Variants in FOCAD observed in about 807,000 individuals in gnomAD.
FOCAD encodes KIAA1797.
In FOCAD, 198 loss-of-function variants were observed where a neutral mutation model predicts 225.6. The observed-to-expected ratio is 0.88, with a 90% CI of 0.78 to 0.99. The LOEUF (loss-of-function observed/expected upper bound fraction) is 0.99, where lower values mean the gene tolerates loss of function less well. Among genes scored for constraint, FOCAD ranks in the 50% least tolerant of loss-of-function variants. The pLI, the probability that FOCAD is intolerant of heterozygous loss-of-function variation, is 0.00. For missense variants in FOCAD, 2,713 were observed against 2,123.6 expected (o/e 1.28, Z -5.46); for synonymous variants, 897 against 755.0 (o/e 1.19, Z -3.08).
chr9:20,898,866 G>T (rs1832326687), intron 21 of FOCAD, among the ~76,000 whole-genome samples: 1 of 151,936 alleles, frequency 6.6e-6, no homozygotes, highest in Non-Finnish European at 1.5e-5. Context: ...TAAGGTGTTG[G>T]GGGAGTAGAG....
At chr9:20,780,454 C>G (rs897833639) in intron 9 of FOCAD, among the ~76,000 whole-genome samples, 1 of 152,094 alleles carries the variant, frequency 6.6e-6, no homozygotes, top group Non-Finnish European at 1.5e-5. Context: ...TTTTCTTTCT[C>G]TCGTAAACCA....
chr9:20,707,850 G>A lies in FOCAD; in HGVS notation c.-32-7472G>A, dbSNP rs549690374. Among the ~76,000 whole-genome samples, 5 of 152,284 alleles carry A rather than the reference G, an allele frequency of 3.3e-5. No individual in the cohort carries two copies. In the South Asian group the frequency reaches 1.0e-3, roughly 32 times the overall value. On this transcript the variant is annotated intron_variant, in intron 1 of 43. Transcript: ENST00000338382. Reference sequence around the variant, plus strand: ...TGTTGGTGGCAGTTGGATTTTTTAAGCCTTTGAAGCAAGAGCTGAGGCTAA... The same window carrying A: ...TGTTGGTGGCAGTTGGATTTTTTAAACCTTTGAAGCAAGAGCTGAGGCTAA...
intron 2 of FOCAD, among the ~76,000 whole-genome samples, chr9:20,675,849 T>G (rs1382613624): frequency 6.6e-6 from 1 of 152,228 alleles, no homozygotes; most frequent in Non-Finnish European, 1.5e-5. Flanking sequence ...TGGTTTTCCT[T>G]GGCTCTTGAT....
At chr9:20,859,352 A>G (rs1362745807) in intron 15 of FOCAD, among the ~76,000 whole-genome samples, 2 of 151,718 alleles carry the variant, frequency 1.3e-5, no homozygotes, top group Non-Finnish European at 2.9e-5. Flanking sequence ...ACTGAATTCC[A>G]GTCAGGCAAC....
intron 15 of FOCAD, among the ~76,000 whole-genome samples, chr9:20,840,656 T>C (rs868271330): frequency 1.3e-5 from 2 of 151,724 alleles, no homozygotes; most frequent in African/African-American, 4.8e-5. Flanking sequence ...TTTTCCAATA[T>C]AAGATTATAT....
intron 21 of FOCAD, among the ~76,000 whole-genome samples, chr9:20,892,289 T>C (rs1267439567): frequency 1.3e-5 from 2 of 152,178 alleles, no homozygotes; most frequent in Non-Finnish European, 2.9e-5. Flanking sequence ...TCAAGTCTTA[T>C]TTGAGAAATG....
intron 29 of FOCAD, among the ~76,000 whole-genome samples, chr9:20,945,220 T>A (rs1273135613): frequency 7.1e-6 from 1 of 140,878 alleles, no homozygotes; most frequent in Non-Finnish European, 1.6e-5. Context: ...TTTACCACAC[T>A]TAGAGAAAAG....
chr9:20,660,216 T>C (rs1821672084), intron 2 of FOCAD, among the ~76,000 whole-genome samples: 1 of 152,210 alleles, frequency 6.6e-6, no homozygotes, highest in African/African-American at 2.4e-5. Context: ...ATAGTAGTTA[T>C]GGTTAACACT....
intron 27 of FOCAD, 42 bp downstream of exon 27, chr9:20,929,638 T>G (rs375783802): frequency 4.4e-5 from 69 of 1,581,440 alleles, no homozygotes; most frequent in Admixed American, 1.0e-4. Context: ...TCTTTGTGAT[T>G]TTTTGCAAAG....
At chr9:20,917,869 AGTCT>A (rs1834003835) in intron 24 of FOCAD, among the ~76,000 whole-genome samples, 1 of 152,254 alleles carries the variant, frequency 6.6e-6, no homozygotes, top group Non-Finnish European at 1.5e-5. Context: ...TTAACTGTGA[AGTCT>A]GATCTCAGCA....
chr9:20,877,989 TTA>T (rs1830369278), intron 19 of FOCAD, among the ~76,000 whole-genome samples: 1 of 152,294 alleles, frequency 6.6e-6, no homozygotes, highest in South Asian at 2.1e-4. Context: ...TCGAGATATT[TTA>T]TGTTTCACAA....
intron 1 of FOCAD, among the ~76,000 whole-genome samples, chr9:20,694,253 ACTCT>A (rs1220298482): frequency 6.6e-6 from 1 of 152,064 alleles, no homozygotes; most frequent in East Asian, 1.9e-4. Context: ...AAGGTCTTAG[ACTCT>A]CTCCACCTCC....
intron 3 of FOCAD, among the ~76,000 whole-genome samples, chr9:20,720,118 G>A (rs1041461795): frequency 1.3e-5 from 2 of 152,070 alleles, no homozygotes; most frequent in Admixed American, 6.6e-5. Flanking sequence ...GCTTGAACTC[G>A]GGTCATACCT....
In FOCAD at chr9:20,717,744, T is replaced by G. The variant is rs535754662; in HGVS notation, c.58-50T>G. The G allele has an allele frequency of 3.5e-6, 5 of 1,429,524 alleles. No homozygotes were observed. The African/African-American group carries it at 7.0e-5, about 20-fold the overall frequency. The allele number at this position is 1,429,524 out of a possible 1,614,324, so 88.6% of individuals were successfully genotyped here. ...ACTCATATCAACTAGTATTGATATT[T>G]GGAAAGAACTTCTAAGGGACTGTGT... On this transcript the variant is annotated intron_variant, in intron 2 of 43. Coordinates refer to ENST00000338382, the MANE Select transcript of FOCAD (RefSeq NM_001375567.1).
rs1564024181 is a variant in FOCAD at position 20,815,123 on chromosome 9, G to GTGTTT, written c.1456-4672_1456-4671insGTTTT. Among the ~76,000 whole-genome samples the GTGTTT allele has an allele frequency of 9.7e-4, 83 of 85,380 alleles. 7 individuals carry two copies. The highest frequency in any genetic ancestry group is 1.2e-3 in the South Asian group (3 of 2,538). The allele number at this position is 85,380 out of a possible 152,430, so 56.0% of individuals were successfully genotyped here. ...TCTGGAAATATCATTACTTCTCTTT[G>GTGTTT]TTTTTTTTTTTTTGTTTTTTTTTTT... On this transcript the variant is annotated intron_variant, in intron 11 of 43. Transcript: ENST00000338382.
intron 1 of FOCAD, chr9:20,694,633 T>C (rs1223793119): frequency 6.6e-6 from 1 of 152,206 alleles, no homozygotes; most frequent in Non-Finnish European, 1.5e-5. Context: ...AAATTTTCTT[T>C]TATTTTTAAA....
chr9:20,784,185 A>G (rs1056864389), intron 10 of FOCAD, among the ~76,000 whole-genome samples: 1 of 152,162 alleles, frequency 6.6e-6, no homozygotes, highest in Non-Finnish European at 1.5e-5. Context: ...GCAGGCTGGA[A>G]TTGGCTGAGC....
Position 20,791,219 on chromosome 9 carries a change from GCA to G in FOCAD, c.1455+1627_1455+1628del, listed in dbSNP as rs563531943. ...ATATTGCATCTATATATATATGCAT[GCA>G]CACACACACACACACTCACACACAC... On this transcript the variant is annotated intron_variant, in intron 11 of 43. Coordinates refer to ENST00000338382, the MANE Select transcript of FOCAD (RefSeq NM_001375567.1). Among the ~76,000 whole-genome samples the G allele has an allele frequency of 2.4e-3, 257 of 106,828 alleles. 1 individual carries two copies. The East Asian group carries it at 0.053, about 22-fold the overall frequency. 70.1% of individuals were successfully genotyped at this position (106,828 alleles called of 152,430 possible). A position where few individuals can be genotyped will look rare whatever the true frequency, so the allele number is the denominator to read the frequency against.
chr9:20,738,498 A>T lies in FOCAD; in HGVS notation c.288-1738A>T, dbSNP rs757190767. ...AGAGAATCTTTATGGAGAAGGCTTC[A>T]TGAAGTGTTGGGACCTCTGTGTTCA... On this transcript the variant is annotated intron_variant, in intron 4 of 43. Transcript: ENST00000338382. 7.3e-4 allele frequency among the ~76,000 whole-genome samples: 111 copies of T among 152,226 alleles called. 1 individual carries two copies. Among genetic ancestry groups the T allele is most frequent in the Non-Finnish European group, 8.8e-5 (6 of 68,028 alleles).
Sources: gnomAD v4.1 joint callset for allele counts (sites outside exome capture counted in the v4.1 genomes callset) on GRCh38, gnomAD v4.1.1 for gene constraint, MANE v1.5 for transcripts, NCBI Gene and HGNC (gene_info 2026-07-23, HGNC 2026-07-21) for gene names.